Variants in PSD3 observed in about 807,000 individuals in gnomAD.
PSD3 encodes pleckstrin and Sec7 domain containing 3.
Under a neutral mutation model 105.5 loss-of-function variants are expected in PSD3, and 49 were observed. The ratio of observed to expected loss-of-function variants is 0.46; its 90% CI spans 0.37 to 0.59. The LOEUF (loss-of-function observed/expected upper bound fraction) is 0.59. Ranked by LOEUF, PSD3 falls within the 20% of genes least tolerant of loss-of-function variation. The pLI, the probability that PSD3 is intolerant of heterozygous loss-of-function variation, is 0.00. For missense variants in PSD3, 1,561 were observed against 1,263.8 expected (o/e 1.24, Z -3.57); for synonymous variants, 557 against 457.8 (o/e 1.22, Z -2.77).
At chr8:18,787,978 T>C (rs989858988) in intron 8 of PSD3, among the ~76,000 whole-genome samples, 3 of 152,230 alleles carry the variant, frequency 2.0e-5, no homozygotes, top group African/African-American at 4.8e-5. Context: ...GCAAGTCATA[T>C]ATTCTGTTAC....
intron 3 of PSD3, 107 bp from the exon 4 acceptor site, chr8:18,868,176 T>C: frequency 8.2e-7 from 1 of 1,218,190 alleles, no homozygotes; most frequent in Non-Finnish European, 1.1e-6. Context: ...AACTCTTCTA[T>C]TCATTGACTT....
intron 1 of PSD3, among the ~76,000 whole-genome samples, chr8:19,044,620 C>G (rs1185201402): frequency 1.3e-5 from 2 of 152,162 alleles, no homozygotes; most frequent in East Asian, 3.8e-4. Context: ...AATCTTGTCA[C>G]TAAGACTTTT....
chr8:18,613,478 C>T (rs1483149893), intron 11 of PSD3, among the ~76,000 whole-genome samples: 1 of 152,140 alleles, frequency 6.6e-6, no homozygotes, highest in African/African-American at 2.4e-5. Flanking sequence ...CTAATAAATT[C>T]CACTTGTCAC....
chr8:19,056,863 AG>A (rs1214982548), intron 1 of PSD3, among the ~76,000 whole-genome samples: 5 of 152,212 alleles, frequency 3.3e-5, no homozygotes, highest in South Asian at 4.1e-4. Flanking sequence ...AATTCACAAG[AG>A]GTTAGGTAGA....
chr8:18,904,147 T>C (rs902742480), intron 2 of PSD3, among the ~76,000 whole-genome samples: 1 of 152,078 alleles, frequency 6.6e-6, no homozygotes, highest in Non-Finnish European at 1.5e-5. Flanking sequence ...GGCAAAGGGA[T>C]AGCAGGCATG....
intron 12 of PSD3, among the ~76,000 whole-genome samples, chr8:18,588,893 T>A (rs547072565): frequency 1.7e-3 from 217 of 129,644 alleles, no homozygotes; most frequent in Non-Finnish European, 3.5e-3. Context: ...AATGTGAGAA[T>A]AGTGTTCTCT....
At chr8:18,577,084 T>C (rs1176715004) in intron 12 of PSD3, among the ~76,000 whole-genome samples, 2 of 152,088 alleles carry the variant, frequency 1.3e-5, no homozygotes, top group South Asian at 2.1e-4. Context: ...TGGGTTACAC[T>C]GTGTAGCAGA....
intron 2 of PSD3, among the ~76,000 whole-genome samples, chr8:18,897,387 AC>A (rs1296201867): frequency 1.3e-5 from 2 of 151,986 alleles, no homozygotes; most frequent in Non-Finnish European, 2.9e-5. Context: ...TGTTTTTATG[AC>A]AGTACTATGC....
intron 1 of PSD3, among the ~76,000 whole-genome samples, chr8:19,037,277 T>C (rs1053878123): frequency 6.6e-6 from 1 of 152,230 alleles, no homozygotes; most frequent in African/African-American, 2.4e-5. Flanking sequence ...ACTGTCCAAA[T>C]ACAGCTGATA....
chr8:19,031,672 A>G (rs893501964), intron 1 of PSD3, among the ~76,000 whole-genome samples: 3 of 152,156 alleles, frequency 2.0e-5, no homozygotes, highest in Non-Finnish European at 4.4e-5. Context: ...AACAACAACT[A>G]TATTTGACTC....
At chr8:18,657,617 G>C (rs943862998) in intron 9 of PSD3, among the ~76,000 whole-genome samples, 1 of 152,106 alleles carries the variant, frequency 6.6e-6, no homozygotes, top group African/African-American at 2.4e-5. Context: ...CTATGATATA[G>C]TTAATGTATC....
intron 14 of PSD3, among the ~76,000 whole-genome samples, chr8:18,562,225 G>T (rs1801436633): frequency 6.6e-6 from 1 of 152,308 alleles, no homozygotes; most frequent in Admixed American, 6.5e-5. Flanking sequence ...CCTCCAAGCT[G>T]TGGGATACAG....
intron 11 of PSD3, among the ~76,000 whole-genome samples, chr8:18,604,134 G>A (rs1026413280): frequency 6.6e-6 from 1 of 152,162 alleles, no homozygotes; most frequent in African/African-American, 2.4e-5. Context: ...AATAATACAG[G>A]AAGATGACTG....
intron 9 of PSD3, among the ~76,000 whole-genome samples, chr8:18,734,712 G>C (rs1272955385): frequency 6.6e-6 from 1 of 152,176 alleles, no homozygotes; most frequent in African/African-American, 2.4e-5. Context: ...AGGTGACTGG[G>C]TTAGAATATC....
intron 12 of PSD3, among the ~76,000 whole-genome samples, chr8:18,577,195 T>C (rs1220737903): frequency 2.0e-5 from 3 of 152,020 alleles, no homozygotes; most frequent in Admixed American, 1.3e-4. Context: ...AATGTGCTTC[T>C]CAAATTTAAG....
chr8:19,049,242 G>A (rs1016820713), intron 1 of PSD3, among the ~76,000 whole-genome samples: 1 of 152,174 alleles, frequency 6.6e-6, no homozygotes, highest in African/African-American at 2.4e-5. Context: ...GCTCCAAAAG[G>A]AGGTGATATC....
rs964280466 is a variant in PSD3 at position 18,541,803 on chromosome 8, T to C, written c.2929-5845A>G. ...TTCGCTGTTGTCACCCAGGCTGGAGTGCAATGGGGCGATCTCGGCTCACTG... is the reference window on the plus strand; with the variant it reads ...TTCGCTGTTGTCACCCAGGCTGGAGCGCAATGGGGCGATCTCGGCTCACTG... On this transcript the variant is annotated intron_variant, in intron 15 of 15. Transcript: ENST00000327040. Among the ~76,000 whole-genome samples, 5 of 149,866 alleles carry C rather than the reference T, an allele frequency of 3.3e-5. No homozygotes were observed. In the South Asian group the frequency reaches 1.1e-3, roughly 32 times the overall value.
intron 8 of PSD3, among the ~76,000 whole-genome samples, chr8:18,787,407 G>A (rs1029020145): frequency 6.6e-6 from 1 of 152,082 alleles, no homozygotes; most frequent in African/African-American, 2.4e-5. Context: ...TGCAACTAAA[G>A]ATGAAGCTCT....
intron 9 of PSD3, among the ~76,000 whole-genome samples, chr8:18,737,090 A>C (rs1159176067): frequency 6.6e-6 from 1 of 152,196 alleles, no homozygotes; most frequent in African/African-American, 2.4e-5. Context: ...GGAGCATCTG[A>C]AAAAATACTG....
Sources: allele counts gnomAD v4.1 joint callset (sites outside exome capture counted in the v4.1 genomes callset), GRCh38; gene constraint gnomAD v4.1.1; transcripts MANE v1.5; gene names NCBI Gene and HGNC (gene_info 2026-07-23, HGNC 2026-07-21).